TMUB2: variants seen among roughly 807,000 people sequenced by gnomAD.
TMUB2 encodes the protein transmembrane and ubiquitin like domain containing 2, also known as transmembrane and ubiquitin-like domain-containing protein 2.
In TMUB2, 19 loss-of-function variants were observed where a neutral mutation model predicts 20.2. The observed-to-expected ratio is 0.94, with a 90% CI of 0.66 to 1.38. The LOEUF is 1.38. Ranked by LOEUF, TMUB2 falls within the 40% of genes most tolerant of loss-of-function variation. The pLI is 0.00. For synonymous variants in TMUB2, 186 were observed against 166.0 expected (o/e 1.12, Z -0.92); for missense variants, 426 against 402.5 (o/e 1.06, Z -0.50).
intron 2 of TMUB2, 122 bp from the exon 3 acceptor site, chr17:44,188,900 T>A (rs2054898246): frequency 7.0e-7 from 1 of 1,424,790 alleles, no homozygotes; most frequent in African/African-American, 1.4e-5. Flanking sequence ...TGCCCCCTTC[T>A]ACACAACACT....
In TMUB2 at chr17:44,191,449, G is replaced by C. The variant is rs1453126427; in HGVS notation, c.*585G>C. On this transcript the variant is annotated 3_prime_UTR_variant, in exon 4 of 4. Transcript: ENST00000538716. ...GTCCTCCCTTCTTTCAAAGCACTTT[G>C]CTTGCATTTTATTTTATTTTTTTAA... is the stretch of plus-strand genomic sequence containing the variant. The C allele has an allele frequency of 1.0e-6, 1 of 985,866 alleles. No homozygotes were observed. Among genetic ancestry groups the C allele is most frequent in the Non-Finnish European group, 1.2e-6 (1 of 830,084 alleles). 61.1% of individuals were successfully genotyped at this position (985,866 alleles called of 1,614,324 possible). A position where few individuals can be genotyped will look rare whatever the true frequency, so the allele number is the denominator to read the frequency against.
rs1016064711 is a variant in TMUB2 at position 44,191,371 on chromosome 17, T to C, written c.*507T>C. 11 of 987,938 alleles carry C rather than the reference T, an allele frequency of 1.1e-5. No homozygotes were observed. The highest frequency in any genetic ancestry group is 1.1e-4 in the East Asian group (1 of 8,834). 61.2% of individuals were successfully genotyped at this position (987,938 alleles called of 1,614,324 possible). A position where few individuals can be genotyped will look rare whatever the true frequency, so the allele number is the denominator to read the frequency against. ...TGAAGATTGTGCCAGCCTTCTCTTATGGGCACCTAGCCGCCTTCACCTTCT... is the reference window on the plus strand; with the variant it reads ...TGAAGATTGTGCCAGCCTTCTCTTACGGGCACCTAGCCGCCTTCACCTTCT... On this transcript the variant is annotated 3_prime_UTR_variant, in exon 4 of 4. Coordinates refer to ENST00000538716, the MANE Select transcript of TMUB2 (RefSeq NM_001076674.3).
chr17:44,190,604 T>C lies in TMUB2; in HGVS notation c.706T>C (p.Cys236Arg). Residue 236 changes from cysteine to arginine, a missense_variant, in exon 4 of 4, where the codon TGT (cysteine) becomes CGT (arginine). By Grantham distance (180) the Cys-to-Arg change is radical. Coordinates refer to ENST00000538716, the MANE Select transcript of TMUB2 (RefSeq NM_001076674.3). Reference sequence around the variant, plus strand: ...GCGTTCTCTGAACATTACCGACAACTGTGTGATTCACTGCCACCGCTCACC... The same window carrying C: ...GCGTTCTCTGAACATTACCGACAACCGTGTGATTCACTGCCACCGCTCACC... ...TLRSLNITDNCVIHCHRSPPG... is the reference protein window; with the variant it reads ...TLRSLNITDNRVIHCHRSPPG... 1 of 1,614,150 alleles carries C rather than the reference T, an allele frequency of 6.2e-7. No homozygotes were observed.
At position 44,189,522 on chromosome 17, in the gene TMUB2, A is replaced by G. The variant is rs1217454328; in HGVS notation, c.536A>G (p.Lys179Arg). The G allele has an allele frequency of 1.2e-6, 2 of 1,613,656 alleles. No homozygotes were observed. Among genetic ancestry groups the G allele is most frequent in the South Asian group, 1.1e-5 (1 of 91,056 alleles). ...PSPGLITVRLKFLNDTEELAV... is the reference protein window; with the variant it reads ...PSPGLITVRLRFLNDTEELAV... The stretch of plus-strand genomic sequence containing the variant: ...CCTGGCCTCATCACTGTGCGGCTCA[A>G]ATTCCTCAATGATACCGAGGAGCTG... The change falls in exon 3 of 4, where the codon AAA (lysine) becomes AGA (arginine). Residue 179 changes from lysine to arginine, a missense_variant. Transcript: ENST00000538716.
At chr17:44,190,349 CAAAAAA>C (rs34097625) in intron 3 of TMUB2, 146 bp from the exon 4 acceptor site, 489 of 320,938 alleles carry the variant, frequency 1.5e-3, no homozygotes, top group East Asian at 3.1e-3. Context: ...GACTCCGTCT[CAAAAAA>C]AAAAAAAAAA....
chr17:44,190,206 C>A, intron 3 of TMUB2: 1 of 249,434 alleles, frequency 4.0e-6, no homozygotes, highest in East Asian at 8.0e-5. Flanking sequence ...CAAAAATTAG[C>A]TGGGCATGGT....
chr17:44,189,247 G>C lies in TMUB2; in HGVS notation c.261G>C (p.Leu87=). 6.2e-7 allele frequency: 1 copy of C among 1,611,574 alleles called. No homozygotes were observed. The highest frequency in any genetic ancestry group is 8.5e-7 in the Non-Finnish European group (1 of 1,178,348). ...SVLHLGHVDH[L]VAGQGNPEPT... ...TCCACCTGGGGCATGTGGACCACCTGGTGGCAGGCCAAGGCAACCCCGAGC... is the reference window on the plus strand; with the variant it reads ...TCCACCTGGGGCATGTGGACCACCTCGTGGCAGGCCAAGGCAACCCCGAGC... Residue 87 remains leucine, a synonymous_variant, in exon 3 of 4, where the codon CTG becomes CTC. Coordinates refer to ENST00000538716, the MANE Select transcript of TMUB2 (RefSeq NM_001076674.3).
rs747114643 is a variant in TMUB2 at position 44,190,948 on chromosome 17, G to A, written c.*84G>A. The A allele has an allele frequency of 1.6e-5, 25 of 1,515,194 alleles. No homozygotes were observed. The highest frequency in any genetic ancestry group is 4.4e-5 in the Admixed American group (2 of 45,528). The allele number at this position is 1,515,194 out of a possible 1,614,324, so 93.9% of individuals were successfully genotyped here. A position where few individuals can be genotyped will look rare whatever the true frequency, so the allele number is the denominator to read the frequency against. Reference sequence around the variant, plus strand: ...CTGGCCAGAGCTGGGCCCAAGGGCCGGGGAGGGAGGGGTGGAAAGGATGTG... The same window carrying A: ...CTGGCCAGAGCTGGGCCCAAGGGCCAGGGAGGGAGGGGTGGAAAGGATGTG... On this transcript the variant is annotated 3_prime_UTR_variant, in exon 4 of 4. Transcript: ENST00000538716.
chr17:44,191,191 C>T lies in TMUB2; in HGVS notation c.*327C>T, dbSNP rs2055525544. The T allele has an allele frequency of 2.7e-6, 3 of 1,107,596 alleles. No individual in the cohort carries two copies. The highest frequency in any genetic ancestry group is 3.3e-6 in the Non-Finnish European group (3 of 905,136). The allele number at this position is 1,107,596 out of a possible 1,614,324, so 68.6% of individuals were successfully genotyped here. A position where few individuals can be genotyped will look rare whatever the true frequency, so the allele number is the denominator to read the frequency against. ...TTCCCTCCCACCTGTGGTTCTGACT[C>T]TTCCCAGTGTCCTGCATGTCTGCCC... is the stretch of plus-strand genomic sequence containing the variant. On this transcript the variant is annotated 3_prime_UTR_variant, in exon 4 of 4. Transcript: ENST00000538716.
chr17:44,189,098 G>C lies in TMUB2; in HGVS notation c.112G>C (p.Val38Leu), dbSNP rs371742258. Residue 38 changes from valine (V) to leucine (L), a missense_variant, in exon 3 of 4, where the codon GTG (valine) becomes CTG (leucine). Transcript: ENST00000538716. ...LIEGVGNEVM[V>L]VAGVVVLILA... ...TGAGGGTGTGGGTAATGAGGTGATG[G>C]TGGTGGCAGGTGTGGTGGTGCTGAT... 1 of 1,614,088 alleles carries C rather than the reference G, an allele frequency of 6.2e-7. No homozygotes were observed. Among genetic ancestry groups the C allele is most frequent in the East Asian group, 2.2e-5 (1 of 44,888 alleles).
At position 44,190,798 on chromosome 17, in the gene TMUB2, C is replaced by T; in HGVS notation, c.900C>T (p.Ala300=). 2.5e-6 allele frequency: 4 copies of T among 1,614,206 alleles called. No individual in the cohort carries two copies. The highest frequency in any genetic ancestry group is 2.7e-5 in the African/African-American group (2 of 75,058). The change falls in exon 4 of 4, where the codon GCC becomes GCT. Residue 300 remains alanine, a synonymous_variant. Coordinates refer to ENST00000538716, the MANE Select transcript of TMUB2 (RefSeq NM_001076674.3). ...INYRQFFTAP[A]TVSLVGVTVF... Reference sequence around the variant, plus strand: ...ACCGCCAATTCTTCACAGCACCTGCCACTGTCTCCCTGGTGGGAGTCACCG... The same window carrying T: ...ACCGCCAATTCTTCACAGCACCTGCTACTGTCTCCCTGGTGGGAGTCACCG...
Position 44,191,193 on chromosome 17 carries a change from T to TC in TMUB2, c.*332dup. The TC allele has an allele frequency of 9.1e-7, 1 of 1,094,200 alleles. No homozygotes were observed. Among genetic ancestry groups the TC allele is most frequent in the Middle Eastern group, 4.2e-4 (1 of 2,390 alleles). 67.8% of individuals were successfully genotyped at this position (1,094,200 alleles called of 1,614,324 possible). ...CCCTCCCACCTGTGGTTCTGACTCT[T>TC]CCCAGTGTCCTGCATGTCTGCCCCC... On this transcript the variant is annotated 3_prime_UTR_variant, in exon 4 of 4. Transcript: ENST00000538716.
Position 44,189,439 on chromosome 17 carries a change from C to G in TMUB2, c.453C>G (p.Gly151=), listed in dbSNP as rs200411937. 2.2e-4 allele frequency: 350 copies of G among 1,614,000 alleles called. 1 individual carries two copies. The highest frequency in any genetic ancestry group is 7.0e-4 in the Admixed American group (42 of 60,006). The change falls in exon 3 of 4, where the codon GGC becomes GGG. Residue 151 remains glycine (G), a synonymous_variant. Transcript: ENST00000538716. The part of the protein sequence containing the change: ...QGLPKRQAGA[G]SSSPEAPLRS... ...TGCCCAAAAGACAAGCAGGTGCAGG[C>G]AGCAGCAGTCCAGAGGCCCCCCTGA...
Position 44,190,883 on chromosome 17 carries a change from A to G in TMUB2, c.*19A>G, listed in dbSNP as rs768169272. The G allele has an allele frequency of 6.3e-7, 1 of 1,586,348 alleles. No individual in the cohort carries two copies. The highest frequency in any genetic ancestry group is 8.6e-7 in the Non-Finnish European group (1 of 1,165,060). The stretch of plus-strand genomic sequence containing the variant: ...ACGATAAGGACATAGGAAGAAAATG[A>G]AAGGCATGGTCTTTCTCCTTTACGG... On this transcript the variant is annotated 3_prime_UTR_variant, in exon 4 of 4. Transcript: ENST00000538716.
At position 44,190,882 on chromosome 17, in the gene TMUB2, G is replaced by A; in HGVS notation, c.*18G>A. 4.4e-6 allele frequency: 7 copies of A among 1,586,332 alleles called. No individual in the cohort carries two copies. Among genetic ancestry groups the A allele is most frequent in the Non-Finnish European group, 6.0e-6 (7 of 1,165,090 alleles). On this transcript the variant is annotated 3_prime_UTR_variant, in exon 4 of 4. Transcript: ENST00000538716. ...GACGATAAGGACATAGGAAGAAAAT[G>A]AAAGGCATGGTCTTTCTCCTTTACG...
At position 44,187,681 on chromosome 17, in the gene TMUB2, C is replaced by T; in HGVS notation, c.-28C>T. ...TAAGCAATTGCAATTTGCAGTGTGC[C>T]AGGCACTGTGCCAAGTATTTTGCTT... On this transcript the variant is annotated 5_prime_UTR_variant, in exon 2 of 4. Coordinates refer to ENST00000538716, the MANE Select transcript of TMUB2 (RefSeq NM_001076674.3). 1 of 718,554 alleles carries T rather than the reference C, an allele frequency of 1.4e-6. No individual in the cohort carries two copies. Among genetic ancestry groups the T allele is most frequent in the East Asian group, 2.7e-5 (1 of 37,288 alleles). The allele number at this position is 718,554 out of a possible 1,614,324, so 44.5% of individuals were successfully genotyped here.
rs375789632 is a variant in TMUB2, at chr17:44,191,784, T to C, written c.*920T>C. On this transcript the variant is annotated 3_prime_UTR_variant, in exon 4 of 4. Coordinates refer to ENST00000538716, the MANE Select transcript of TMUB2 (RefSeq NM_001076674.3). ...TGCGCTGCCCCCAGGAAAATGGTAA[T>C]GAGAGTAGGTAGGCCGGGGCTACCA... 3.1e-6 allele frequency: 3 copies of C among 976,380 alleles called. No individual in the cohort carries two copies. Among genetic ancestry groups the C allele is most frequent in the Non-Finnish European group, 3.7e-6 (3 of 821,436 alleles). The allele number at this position is 976,380 out of a possible 1,614,324, so 60.5% of individuals were successfully genotyped here. A position where few individuals can be genotyped will look rare whatever the true frequency, so the allele number is the denominator to read the frequency against.
chr17:44,191,497 A>AG lies in TMUB2; in HGVS notation c.*635dup, dbSNP rs2055575516. The AG allele has an allele frequency of 2.0e-6, 2 of 985,992 alleles. No homozygotes were observed. The highest frequency in any genetic ancestry group is 9.4e-5 in the South Asian group (2 of 21,284). The allele number at this position is 985,992 out of a possible 1,614,324, so 61.1% of individuals were successfully genotyped here. Reference sequence around the variant, plus strand: ...TAAGAGTCCTTCATAGAGCTCAGTCAGGAAGGGGATGGGGCACCAAGCCAA... The same window carrying AG: ...TAAGAGTCCTTCATAGAGCTCAGTCAGGGAAGGGGATGGGGCACCAAGCCAA... On this transcript the variant is annotated 3_prime_UTR_variant, in exon 4 of 4. Coordinates refer to ENST00000538716, the MANE Select transcript of TMUB2 (RefSeq NM_001076674.3).
chr17:44,188,262 A>G (rs566109719), intron 2 of TMUB2, among the ~76,000 whole-genome samples: 2 of 152,276 alleles, frequency 1.3e-5, no homozygotes, highest in East Asian at 3.9e-4. Flanking sequence ...AAATCACTCC[A>G]CTTGGGGAGT....
Sources: allele counts gnomAD v4.1 joint callset (sites outside exome capture counted in the v4.1 genomes callset), GRCh38; gene constraint gnomAD v4.1.1; transcripts MANE v1.5; gene names NCBI Gene and HGNC (gene_info 2026-07-23, HGNC 2026-07-21).